CFAP46: variants seen among roughly 807,000 people sequenced by gnomAD.
CFAP46 encodes cilia- and flagella-associated protein 46.
CFAP46 carries 245 observed loss-of-function variants against 325.7 expected under a neutral mutation model. The ratio of observed to expected loss-of-function variants is 0.75; its 90% CI spans 0.68 to 0.84. CFAP46 has a LOEUF of 0.84. CFAP46 is among the 40% of genes least tolerant of loss of function. CFAP46 has a pLI of 0.00. For synonymous variants in CFAP46, 1,523 were observed against 1,495.9 expected (o/e 1.02, Z -0.42); for missense variants, 3,346 against 3,543.0 (o/e 0.94, Z 1.41).
chr10:132,934,938 G>T, intron 7 of CFAP46, 76 bp from the exon 8 acceptor site: 2 of 955,832 alleles, frequency 2.1e-6, no homozygotes, highest in Non-Finnish European at 3.4e-6. Context: ...GAAACTCTGC[G>T]TGTATGAAAT....
At chr10:132,837,567 G>A (rs1425918413) in intron 44 of CFAP46, among the ~76,000 whole-genome samples, 2 of 118,124 alleles carry the variant, frequency 1.7e-5, no homozygotes, top group Non-Finnish European at 1.7e-5. Flanking sequence ...AGACATGCAC[G>A]GACACACACA....
At chr10:132,850,993 C>T (rs1848531566) in intron 40 of CFAP46, 124 bp downstream of exon 40, 2 of 1,133,390 alleles carry the variant, frequency 1.8e-6, no homozygotes, top group Non-Finnish European at 2.5e-6. Flanking sequence ...TGCAAGAGGT[C>T]CCCAGCTGAC....
intron 50 of CFAP46, among the ~76,000 whole-genome samples, chr10:132,823,526 T>C (rs1426516056): frequency 3.5e-5 from 4 of 113,644 alleles, no homozygotes; most frequent in Admixed American, 8.4e-5. Context: ...GTGCTGTGTG[T>C]GCTGTGTGCG....
At chr10:132,810,845 T>C (rs2134745369) in intron 56 of CFAP46, 105 bp downstream of exon 56, 1 of 1,095,314 alleles carries the variant, frequency 9.1e-7, no homozygotes, top group Non-Finnish European at 1.4e-6. Context: ...CTCACCGTTC[T>C]TGAAACCCGA....
chr10:132,864,669 A>AATGCCCGAGACCTCCACACACCT (rs1848785615), intron 35 of CFAP46, among the ~76,000 whole-genome samples: 1 of 121,284 alleles, frequency 8.2e-6, no homozygotes, highest in African/African-American at 3.6e-5. Context: ...ACCTGTCCCC[A>AATGCCCGAGACCTCCACACACCT]GTGCCCGAGA....
intron 35 of CFAP46, among the ~76,000 whole-genome samples, chr10:132,861,739 G>A (rs1374943639): frequency 6.6e-6 from 1 of 152,248 alleles, no homozygotes; most frequent in East Asian, 1.9e-4. Context: ...GTCTTCTGCA[G>A]TGGAAAGGCA....
chr10:132,821,244 G>GTGTGTGCTGTGTGAGCGCTGA (rs1385660201), intron 50 of CFAP46, among the ~76,000 whole-genome samples: 1 of 84,110 alleles, frequency 1.2e-5, no homozygotes, highest in Non-Finnish European at 2.8e-5. Context: ...TGTGTGCTGT[G>GTGTGTGCTGTGTGAGCGCTGA]TGTGTGCTGT....
intron 10 of CFAP46, 35 bp from the exon 11 acceptor site, chr10:132,924,921 G>C (rs1591094623): frequency 7.4e-7 from 1 of 1,357,026 alleles, no homozygotes; most frequent in East Asian, 3.1e-5. Context: ...TAGGGAGGTT[G>C]CTGGCTCGAG....
chr10:132,912,579 C>CTTCACCT (rs59161995), intron 19 of CFAP46, 76 bp downstream of exon 19: 1 of 1,312,522 alleles, frequency 7.6e-7, no homozygotes, highest in Non-Finnish European at 1.0e-6. Flanking sequence ...TTTCACCTCT[C>CTTCACCT]CTCTCCTCTC....
Position 132,817,189 on chromosome 10 carries a change from C to T in CFAP46, c.7118-2275G>A, listed in dbSNP as rs538013099. On this transcript the variant is annotated intron_variant, in intron 50 of 57. Transcript: ENST00000368586. This position sits in a 1 kb window ranked among gnomAD's most constrained non-coding sequence, Gnocchi z 4.4. ...TGTATTTAGAGGCTATTTCATACCT[C>T]TGAGGAGGCGAACTTTCGATTCTCA... Among the ~76,000 whole-genome samples the T allele has an allele frequency of 3.3e-5, 5 of 152,346 alleles. No homozygotes were observed. The highest frequency in any genetic ancestry group is 1.2e-4 in the African/African-American group (5 of 41,574).
intron 22 of CFAP46, among the ~76,000 whole-genome samples, chr10:132,904,995 T>C (rs1849436819): frequency 6.6e-6 from 1 of 152,164 alleles, no homozygotes; most frequent in Admixed American, 6.5e-5. Flanking sequence ...CAGCCTCTCA[T>C]CTTCTGGTCC....
intron 41 of CFAP46, among the ~76,000 whole-genome samples, chr10:132,848,114 A>G (rs1367762319): frequency 6.6e-6 from 1 of 152,168 alleles, no homozygotes; most frequent in East Asian, 1.9e-4. Context: ...GCCACTGCAG[A>G]GTCCCCAGGA....
At chr10:132,857,296 C>T (rs1393821868) in intron 39 of CFAP46, among the ~76,000 whole-genome samples, 1 of 152,224 alleles carries the variant, frequency 6.6e-6, no homozygotes, top group African/African-American at 2.4e-5. Context: ...TCTCCCCAGG[C>T]TCTCGGCTCC....
At chr10:132,831,201 G>T (rs1475648228) in intron 50 of CFAP46, among the ~76,000 whole-genome samples, 1 of 138,642 alleles carries the variant, frequency 7.2e-6, no homozygotes. Flanking sequence ...TCAACTTAGG[G>T]TATATCTTGT....
At chr10:132,823,471 AGTGCTGATGTGTGCTGT>A (rs1426954011) in intron 50 of CFAP46, among the ~76,000 whole-genome samples, 442 of 79,926 alleles carry the variant, frequency 5.5e-3, no homozygotes, top group African/African-American at 0.012. Context: ...GTGCTGTGTG[AGTGCTGATGTGTGCTGT>A]GTGCTGATGT....
intron 44 of CFAP46, among the ~76,000 whole-genome samples, chr10:132,841,784 G>A (rs1418581800): frequency 6.6e-6 from 1 of 152,216 alleles, no homozygotes; most frequent in South Asian, 2.1e-4. Context: ...GGCCGCCATG[G>A]AGAGCTGCAC....
rs1356664683 is a variant in CFAP46 at position 132,834,708 on chromosome 10, G to T, written c.6812C>A (p.Pro2271His). The change falls in exon 48 of 58, where the codon CCC becomes CAC. Residue 2271 changes from proline (P) to histidine (H), a missense_variant. Coordinates refer to ENST00000368586, the MANE Select transcript of CFAP46 (RefSeq NM_001200049.3). Reference protein sequence around the residue: ...PVQRLSSVLGPLEELLQPLFP... With the variant: ...PVQRLSSVLGHLEELLQPLFP... ...TAGCGGCTGCAGAAGCTCCTCCAGG[G>T]GCCCCAGGACGCTACTGAGCCTCTG... 1 of 1,612,986 alleles carries T rather than the reference G, an allele frequency of 6.2e-7. No homozygotes were observed. The highest frequency in any genetic ancestry group is 8.5e-7 in the Non-Finnish European group (1 of 1,179,952).
chr10:132,858,827 C>T (rs1407046654), intron 38 of CFAP46, among the ~76,000 whole-genome samples: 1 of 151,966 alleles, frequency 6.6e-6, no homozygotes, highest in Non-Finnish European at 1.5e-5. Flanking sequence ...TGTGGGCAGC[C>T]GCAGGGCTGG....
chr10:132,923,963 G>C (rs560429266), intron 11 of CFAP46, among the ~76,000 whole-genome samples: 1 of 152,140 alleles, frequency 6.6e-6, no homozygotes, highest in Admixed American at 6.5e-5. Flanking sequence ...AGGTGGGAAG[G>C]AGCACTGGCA....
Sources: allele counts gnomAD v4.1 joint callset (sites outside exome capture counted in the v4.1 genomes callset), GRCh38; gene constraint gnomAD v4.1.1; non-coding constraint Gnocchi (gnomAD v3.1); transcripts MANE v1.5; gene names NCBI Gene and HGNC (gene_info 2026-07-23, HGNC 2026-07-21).